The following GPC5 variants were observed in gnomAD, a reference collection of about 807,000 sequenced individuals.
GPC5 encodes the protein glypican-5.
A neutral mutation model predicts 53.9 loss-of-function variants in GPC5; 47 were observed. The ratio of observed to expected loss-of-function variants is 0.87; its 90% CI spans 0.69 to 1.11. The LOEUF is 1.11. Among genes scored for constraint, GPC5 ranks in the 50% most tolerant of loss-of-function variants. The pLI is 0.00. For synonymous variants in GPC5, 286 were observed against 263.3 expected, an observed-to-expected ratio of 1.09 and a Z score of -0.84; for missense variants, 748 against 713.1, an observed-to-expected ratio of 1.05 and a Z score of -0.56.
At chr13:91,399,694 G>A (rs1320071184) in intron 1 of GPC5, among the ~76,000 whole-genome samples, 3 of 152,152 alleles carry the variant, frequency 2.0e-5, no homozygotes, top group Non-Finnish European at 4.4e-5. Context: ...ACAGACAAGG[G>A]CAGCCGGTCT....
At chr13:92,575,301 C>T (rs766053006) in intron 7 of GPC5, among the ~76,000 whole-genome samples, 2 of 152,110 alleles carry the variant, frequency 1.3e-5, no homozygotes, top group African/African-American at 4.8e-5. Context: ...GGTCCTAATT[C>T]CAGTGACTGT....
chr13:91,629,936 T>C (rs1040939317), intron 2 of GPC5, among the ~76,000 whole-genome samples: 1 of 152,178 alleles, frequency 6.6e-6, no homozygotes, highest in African/African-American at 2.4e-5. Flanking sequence ...TGTATGTTTT[T>C]AGCACCTCAC....
intron 6 of GPC5, among the ~76,000 whole-genome samples, chr13:91,939,745 G>A (rs2039907335): frequency 6.6e-6 from 1 of 152,078 alleles, no homozygotes; most frequent in Admixed American, 6.6e-5. Flanking sequence ...CATATGAGAG[G>A]ATGAAGTCAT....
At chr13:91,831,467 C>G (rs1178450155) in intron 5 of GPC5, among the ~76,000 whole-genome samples, 2 of 151,860 alleles carry the variant, frequency 1.3e-5, no homozygotes, top group Non-Finnish European at 2.9e-5. Context: ...TCCCTCAATC[C>G]AATAAAGTTG....
At chr13:92,660,853 C>G (rs1462110930) in intron 7 of GPC5, among the ~76,000 whole-genome samples, 1 of 152,012 alleles carries the variant, frequency 6.6e-6, no homozygotes, top group Non-Finnish European at 1.5e-5. Flanking sequence ...CTATTCAGCT[C>G]TGGAAACATG....
intron 6 of GPC5, among the ~76,000 whole-genome samples, chr13:91,991,758 G>A (rs1224299219): frequency 6.6e-6 from 1 of 152,106 alleles, no homozygotes; most frequent in Non-Finnish European, 1.5e-5. Context: ...GTTAGAATTG[G>A]TTCATGAATT....
chr13:92,657,579 GTTTTTTTTTTTTTTT>G (rs67038073), intron 7 of GPC5, among the ~76,000 whole-genome samples: 29 of 106,732 alleles, frequency 2.7e-4, no homozygotes, highest in African/African-American at 9.6e-4. Context: ...AGGTTTTTTG[GTTTTTTTTTTTTTTT>G]TTTTTTTTTT....
chr13:92,203,577 T>A (rs1054823393), intron 7 of GPC5, among the ~76,000 whole-genome samples: 1 of 143,256 alleles, frequency 7.0e-6, no homozygotes, highest in Non-Finnish European at 1.5e-5. Flanking sequence ...GCATGGCACA[T>A]GTATACATAT....
At chr13:91,770,035 G>T (rs185005430) in intron 5 of GPC5, among the ~76,000 whole-genome samples, 2 of 152,124 alleles carry the variant, frequency 1.3e-5, no homozygotes, top group Admixed American at 6.5e-5. Context: ...ATATGACTTG[G>T]CTACACATTG....
intron 6 of GPC5, among the ~76,000 whole-genome samples, chr13:92,053,630 A>T (rs2041048822): frequency 6.6e-6 from 1 of 152,126 alleles, no homozygotes; most frequent in East Asian, 1.9e-4. Flanking sequence ...AATTTTATAT[A>T]CAGATATATG....
intron 7 of GPC5, among the ~76,000 whole-genome samples, chr13:92,621,719 T>C (rs894700991): frequency 2.0e-5 from 3 of 151,992 alleles, no homozygotes; most frequent in African/African-American, 7.3e-5. Context: ...ACATGGGGGC[T>C]GAGGCATGGG....
intron 7 of GPC5, among the ~76,000 whole-genome samples, chr13:92,460,829 G>A (rs1360684023): frequency 6.6e-6 from 1 of 152,166 alleles, no homozygotes; most frequent in Non-Finnish European, 1.5e-5. Context: ...CTAGAGCTAG[G>A]TATATAACCC....
chr13:92,213,381 T>C (rs184865982), intron 7 of GPC5, among the ~76,000 whole-genome samples: 2 of 152,230 alleles, frequency 1.3e-5, no homozygotes, highest in Admixed American at 1.3e-4. Context: ...ACAGCCCAAA[T>C]ATAGGAGAAA....
chr13:92,835,434 G>A (rs779463570), intron 7 of GPC5, among the ~76,000 whole-genome samples: 38 of 151,920 alleles, frequency 2.5e-4, no homozygotes, highest in Admixed American at 4.6e-4. Context: ...ATGGAAACAT[G>A]TTTTTCTGTA....
At chr13:91,639,472 T>C (rs1188550950) in intron 2 of GPC5, among the ~76,000 whole-genome samples, 1 of 152,254 alleles carries the variant, frequency 6.6e-6, no homozygotes, top group Non-Finnish European at 1.5e-5. Flanking sequence ...GGTAACCAGA[T>C]ATAGCTTGCT....
At chr13:91,997,198 C>T (rs566206568) in intron 6 of GPC5, among the ~76,000 whole-genome samples, 31 of 152,146 alleles carry the variant, frequency 2.0e-4, no homozygotes, top group Admixed American at 1.8e-3. Flanking sequence ...TTCTGTTTTG[C>T]CTCCTATCTT....
At chr13:91,451,449 G>A (rs957592866) in intron 2 of GPC5, among the ~76,000 whole-genome samples, 4 of 152,068 alleles carry the variant, frequency 2.6e-5, no homozygotes, top group Non-Finnish European at 4.4e-5. Flanking sequence ...GTTAGATGAA[G>A]GCTGGGAGGT....
intron 7 of GPC5, among the ~76,000 whole-genome samples, chr13:92,236,630 G>T (rs2042572462): frequency 6.6e-6 from 1 of 151,892 alleles, no homozygotes; most frequent in Non-Finnish European, 1.5e-5. Flanking sequence ...AATTTTAATT[G>T]TTCTATTTTA....
rs553090768 is a variant in GPC5 at position 91,637,550 on chromosome 13, G to A, written c.326-55637G>A. On this transcript the variant is annotated intron_variant, in intron 2 of 7. Coordinates refer to ENST00000377067, the MANE Select transcript of GPC5 (RefSeq NM_004466.6). ...GAATTCATATTTCTGGAAAGAACAA[G>A]AAGTGATAGTTGAGTTCAAGAAAAG... 1.2e-4 allele frequency among the ~76,000 whole-genome samples: 19 copies of A among 152,322 alleles called. 1 individual carries two copies. The highest frequency in any genetic ancestry group is 6.5e-4 in the Admixed American group (10 of 15,300).
Sources: allele counts gnomAD v4.1 joint callset (sites outside exome capture counted in the v4.1 genomes callset), GRCh38; gene constraint gnomAD v4.1.1; transcripts MANE v1.5; gene names NCBI Gene and HGNC (gene_info 2026-07-23, HGNC 2026-07-21).